The following USH2A variants were observed in gnomAD, a reference collection of about 807,000 sequenced individuals.
The protein encoded by USH2A is usherin.
USH2A carries 443 observed loss-of-function variants against 538.9 expected under a neutral mutation model. The observed-to-expected ratio is 0.82, with a 90% CI of 0.76 to 0.89. The LOEUF (loss-of-function observed/expected upper bound fraction) is 0.89. Among genes scored for constraint, USH2A ranks in the 40% least tolerant of loss-of-function variants. USH2A has a pLI of 0.00. For missense variants in USH2A, 6,633 were observed against 6,324.8 expected (o/e 1.05, Z -1.65); for synonymous variants, 2,413 against 2,273.5 (o/e 1.06, Z -1.75).
chr1:216,257,649 C>T (rs2036284180), intron 11 of USH2A, among the ~76,000 whole-genome samples: 1 of 151,856 alleles, frequency 6.6e-6, no homozygotes, highest in African/African-American at 2.4e-5. Context: ...CCACCTCCAC[C>T]CCACCATTCC....
intron 19 of USH2A, among the ~76,000 whole-genome samples, chr1:216,196,243 A>C (rs1238154399): frequency 6.6e-6 from 1 of 152,124 alleles, no homozygotes; most frequent in African/African-American, 2.4e-5. Context: ...TGTGTGTCCA[A>C]ATAACATGAT....
At chr1:215,864,091 C>A (rs1304407102) in intron 44 of USH2A, among the ~76,000 whole-genome samples, 1 of 152,174 alleles carries the variant, frequency 6.6e-6, no homozygotes, top group Non-Finnish European at 1.5e-5. Context: ...CCACTGTACT[C>A]CCTTTGGTAG....
chr1:215,758,787 C>T (rs1660890236), intron 57 of USH2A, 35 bp from the exon 58 acceptor site: 1 of 1,603,704 alleles, frequency 6.2e-7, no homozygotes, highest in Non-Finnish European at 8.5e-7. Flanking sequence ...TGTGGTAAGG[C>T]CATGCACAAG....
At chr1:216,209,742 T>C (rs1054319331) in intron 15 of USH2A, among the ~76,000 whole-genome samples, 3 of 152,192 alleles carry the variant, frequency 2.0e-5, no homozygotes, top group African/African-American at 4.8e-5. Context: ...CTATCTTTTG[T>C]TGAAGTATTG....
intron 44 of USH2A, among the ~76,000 whole-genome samples, chr1:215,856,337 C>G (rs576348275): frequency 6.6e-6 from 1 of 152,138 alleles, no homozygotes; most frequent in African/African-American, 2.4e-5. Context: ...AACAAATTAG[C>G]AAGAAAAATA....
intron 55 of USH2A, among the ~76,000 whole-genome samples, chr1:215,773,442 C>A (rs1661348246): frequency 6.6e-6 from 1 of 151,742 alleles, no homozygotes; most frequent in Admixed American, 6.6e-5. Flanking sequence ...CCTGTAAAAT[C>A]TGCTTTGGTC....
At chr1:216,279,697 T>C (rs2036735770) in intron 11 of USH2A, among the ~76,000 whole-genome samples, 1 of 152,126 alleles carries the variant, frequency 6.6e-6, no homozygotes, top group African/African-American at 2.4e-5. Context: ...CTACAGTGGC[T>C]GAACCCCCAT....
At chr1:216,015,814 A>G (rs772930157) in intron 32 of USH2A, among the ~76,000 whole-genome samples, 3 of 152,152 alleles carry the variant, frequency 2.0e-5, no homozygotes, top group Non-Finnish European at 2.9e-5. Context: ...AACTAGAAAT[A>G]CCACTTGACC....
rs1250227850 is a variant in USH2A at position 216,324,343 on chromosome 1, T to C, written c.1153A>G (p.Ile385Val). 1.9e-6 allele frequency: 3 copies of C among 1,610,776 alleles called. No homozygotes were observed. Among genetic ancestry groups the C allele is most frequent in the African/African-American group, 2.7e-5 (2 of 74,846 alleles). Reference protein sequence around the residue: ...LENGQYQVFYIIIQFFSPQPT... With the variant: ...LENGQYQVFYVIIQFFSPQPT... ...TGTGGACTAAAGAACTGAATGATAATATAAAACACCTGAAAATGGAAAGTT... is the reference window on the plus strand; with the variant it reads ...TGTGGACTAAAGAACTGAATGATAACATAAAACACCTGAAAATGGAAAGTT... Residue 385 changes from isoleucine (I) to valine (V), a missense_variant, in exon 7 of 72, where the codon ATT becomes GTT. Physicochemically the swap from Ile to Val is conservative, Grantham distance 29. Transcript: ENST00000307340.
intron 22 of USH2A, among the ~76,000 whole-genome samples, chr1:216,095,605 T>G (rs1189664559): frequency 6.6e-6 from 1 of 152,156 alleles, no homozygotes; most frequent in Non-Finnish European, 1.5e-5. Context: ...TCTTTGTGTC[T>G]GAGGACCTGC....
intron 22 of USH2A, among the ~76,000 whole-genome samples, chr1:216,093,587 TAC>T (rs1378534375): frequency 6.6e-6 from 1 of 152,186 alleles, no homozygotes; most frequent in Non-Finnish European, 1.5e-5. Flanking sequence ...CCTCCTATCC[TAC>T]AGAGTCTTAA....
At chr1:216,173,538 A>G (rs973517661) in intron 21 of USH2A, among the ~76,000 whole-genome samples, 1 of 152,144 alleles carries the variant, frequency 6.6e-6, no homozygotes, top group Non-Finnish European at 1.5e-5. Context: ...TTATAGACAG[A>G]AGGATCCTGC....
intron 3 of USH2A, among the ~76,000 whole-genome samples, chr1:216,411,470 A>T (rs1235189110): frequency 6.6e-6 from 1 of 152,160 alleles, no homozygotes; most frequent in East Asian, 1.9e-4. Context: ...ATCCTAATCC[A>T]GTACAACTGA....
In USH2A at chr1:215,889,027, A is replaced by G. The variant is rs771784918; in HGVS notation, c.7622T>C (p.Leu2541Pro). The change falls in exon 41 of 72, where the codon CTT (leucine) becomes CCT (proline). Residue 2541 changes from leucine (L) to proline (P), a missense_variant. Coordinates refer to ENST00000307340, the MANE Select transcript of USH2A (RefSeq NM_206933.4). ...CATCATTCTTGACTTCACATCCAGA[A>G]GAATCGGAGGAACTACAGGTCCAGG... Reference protein sequence around the residue: ...DKPGPVVPPILLDVKSRMMLV... With the variant: ...DKPGPVVPPIPLDVKSRMMLV... 2.5e-6 allele frequency: 4 copies of G among 1,613,986 alleles called. No homozygotes were observed. In the Admixed American group the frequency reaches 6.7e-5, roughly 27 times the overall value.
At chr1:216,137,546 G>A (rs1325216507) in intron 21 of USH2A, among the ~76,000 whole-genome samples, 3 of 152,170 alleles carry the variant, frequency 2.0e-5, no homozygotes, top group African/African-American at 4.8e-5. Flanking sequence ...AGCAAGGAGA[G>A]CCAGTCCAAG....
chr1:215,678,228 G>A (rs901069380), intron 62 of USH2A, among the ~76,000 whole-genome samples: 5 of 152,148 alleles, frequency 3.3e-5, no homozygotes, highest in African/African-American at 1.2e-4. Flanking sequence ...ATTTGATCAT[G>A]CTATTCCTTT....
At chr1:215,638,848 C>T (rs998299185) in intron 69 of USH2A, among the ~76,000 whole-genome samples, 4 of 148,872 alleles carry the variant, frequency 2.7e-5, no homozygotes, top group Non-Finnish European at 4.5e-5. Context: ...TGTGGTGGCC[C>T]GTGCCTGTAA....
At chr1:216,193,447 T>C (rs1329143504) in intron 19 of USH2A, among the ~76,000 whole-genome samples, 1 of 152,130 alleles carries the variant, frequency 6.6e-6, no homozygotes, top group Non-Finnish European at 1.5e-5. Context: ...GTGTTGTACA[T>C]GGGTTCTGGT....
intron 60 of USH2A, among the ~76,000 whole-genome samples, chr1:215,739,535 T>A (rs1660244338): frequency 1.3e-5 from 2 of 152,222 alleles, no homozygotes; most frequent in South Asian, 4.1e-4. Flanking sequence ...TCTCATGCAA[T>A]TAGCATTAAG....
Sources: allele counts gnomAD v4.1 joint callset (sites outside exome capture counted in the v4.1 genomes callset), GRCh38; gene constraint gnomAD v4.1.1; transcripts MANE v1.5; gene names NCBI Gene and HGNC (gene_info 2026-07-23, HGNC 2026-07-21).